Variants in PELP1 observed in about 807,000 individuals in gnomAD.
PELP1 encodes proline, glutamate and leucine rich protein 1.
A neutral mutation model predicts 95.5 loss-of-function variants in PELP1; 32 were observed. The observed-to-expected ratio is 0.34, with a 90% CI of 0.25 to 0.45. The LOEUF (loss-of-function observed/expected upper bound fraction) is 0.45. Ranked by LOEUF, PELP1 falls within the 20% of genes least tolerant of loss-of-function variation. The pLI is 1.00. For synonymous variants in PELP1, 668 were observed against 600.1 expected, an observed-to-expected ratio of 1.11 and a Z score of -1.65; for missense variants, 1,358 against 1,444.8, an observed-to-expected ratio of 0.94 and a Z score of 0.97.
rs2150552733 is a variant in PELP1 at position 4,672,981 on chromosome 17, G to A, written c.2010C>T (p.Pro670=). The change falls in exon 16 of 17, where the codon CCC becomes CCT. Residue 670 remains proline (P), a synonymous_variant. Transcript: ENST00000572293. ...FRAPPFHPPG[P]MPSVGSMPSA... is the part of the protein sequence containing the mutation. ...AGGGCATGGAGCCCACTGAGGGCAT[G>A]GGGCCCGGAGGATGGAACGGTGGGG... 6.4e-7 allele frequency: 1 copy of A among 1,572,224 alleles called. No individual in the cohort carries two copies. The highest frequency in any genetic ancestry group is 8.6e-7 in the Non-Finnish European group (1 of 1,159,626).
chr17:4,698,077 C>T (rs1913364851), intron 1 of PELP1, among the ~76,000 whole-genome samples: 1 of 148,982 alleles, frequency 6.7e-6, no homozygotes. Flanking sequence ...AACTCCTGCA[C>T]TCAGTGATCC....
Position 4,671,180 on chromosome 17 carries a change from C to T in PELP1, c.*259G>A. On this transcript the variant is annotated 3_prime_UTR_variant, in exon 17 of 17. Coordinates refer to ENST00000572293, the MANE Select transcript of PELP1 (RefSeq NM_014389.3). ...ACACACAATTCTGCACGTTTAGCATCCAGCCAGAATCCTACAATTCTGACA... is the reference window on the plus strand; with the variant it reads ...ACACACAATTCTGCACGTTTAGCATTCAGCCAGAATCCTACAATTCTGACA... 2 of 530,388 alleles carry T rather than the reference C, an allele frequency of 3.8e-6. No homozygotes were observed. Among genetic ancestry groups the T allele is most frequent in the Non-Finnish European group, 6.7e-6 (2 of 296,660 alleles). The allele number at this position is 530,388 out of a possible 1,614,324, so 32.9% of individuals were successfully genotyped here.
At chr17:4,695,926 G>A (rs558657865) in intron 1 of PELP1, among the ~76,000 whole-genome samples, 21 of 151,108 alleles carry the variant, frequency 1.4e-4, no homozygotes, top group African/African-American at 4.8e-4. Flanking sequence ...CTTGGCCTCC[G>A]AAAGTGCTGG....
chr17:4,692,295 G>A (rs959803656), intron 1 of PELP1, among the ~76,000 whole-genome samples: 3 of 151,780 alleles, frequency 2.0e-5, no homozygotes, highest in South Asian at 2.1e-4. Context: ...GTGAAACCCC[G>A]TCTCTACTAA....
chr17:4,699,022 T>A (rs1190596894), intron 1 of PELP1, among the ~76,000 whole-genome samples: 1 of 152,212 alleles, frequency 6.6e-6, no homozygotes, highest in Non-Finnish European at 1.5e-5. Context: ...TGCATTTATG[T>A]TATTCTCAGA....
At chr17:4,702,375 T>G (rs1043352485) in intron 1 of PELP1, among the ~76,000 whole-genome samples, 1 of 152,146 alleles carries the variant, frequency 6.6e-6, no homozygotes, top group Admixed American at 6.6e-5. Context: ...GCCAAGATCA[T>G]GCCACTGCAC....
chr17:4,673,784 G>A lies in PELP1; in HGVS notation c.1583-110C>T. On this transcript the variant is annotated intron_variant, in intron 13 of 16. Transcript: ENST00000572293. This position sits in a 1 kb window ranked among gnomAD's most constrained non-coding sequence, Gnocchi z 5.7. ...ATCAACTCTGCCACTGCCTATCTTG[G>A]CCAAGTCATTTAACTTCTCAACTAG... 2 of 878,400 alleles carry A rather than the reference G, an allele frequency of 2.3e-6. No homozygotes were observed. Among genetic ancestry groups the A allele is most frequent in the Admixed American group, 3.5e-5 (2 of 56,776 alleles). 54.4% of individuals were successfully genotyped at this position (878,400 alleles called of 1,614,324 possible).
At chr17:4,687,262 T>TCG (rs1455126501) in intron 3 of PELP1, among the ~76,000 whole-genome samples, 1 of 152,174 alleles carries the variant, frequency 6.6e-6, no homozygotes, top group Non-Finnish European at 1.5e-5. Context: ...TAAAGTATCT[T>TCG]CGCTGGGTGT....
chr17:4,691,583 G>C, intron 1 of PELP1, 141 bp from the exon 2 acceptor site: 1 of 663,482 alleles, frequency 1.5e-6, no homozygotes, highest in Non-Finnish European at 2.7e-6. Flanking sequence ...CATCCCACTA[G>C]AAGCCTTGAG....
rs1912400671 is a variant in PELP1, at chr17:4,675,033, A to C, written c.1274+46T>G. 6.2e-7 allele frequency: 1 copy of C among 1,605,220 alleles called. No homozygotes were observed. The highest frequency in any genetic ancestry group is 1.1e-5 in the South Asian group (1 of 90,820). ...AGCCCCAGCCCACCTGCACCCCCTCACCCCCCTCTCCTCTTTATTCCCTTC... is the reference window on the plus strand; with the variant it reads ...AGCCCCAGCCCACCTGCACCCCCTCCCCCCCCTCTCCTCTTTATTCCCTTC... On this transcript the variant is annotated intron_variant, in intron 11 of 16. Transcript: ENST00000572293. The surrounding 1 kb of genome is among the most constrained non-coding windows in gnomAD (Gnocchi z 4.3).
Position 4,690,972 on chromosome 17 carries a change from C to G in PELP1, c.336G>C (p.Leu112=). Residue 112 remains leucine, a synonymous_variant, in exon 3 of 17, where the codon CTG becomes CTC. Coordinates refer to ENST00000572293, the MANE Select transcript of PELP1 (RefSeq NM_014389.3). The part of the protein sequence containing the change: ...IKTRFEGLCL[L]SLLVGESPTE... The stretch of plus-strand genomic sequence containing the variant: ...TGGGGCTCTCCCCTACCAGCAGGGA[C>G]AGCAGACACAGGCCCTCAAACCTTC... The G allele has an allele frequency of 6.2e-7, 1 of 1,613,356 alleles. No individual in the cohort carries two copies. The highest frequency in any genetic ancestry group is 8.5e-7 in the Non-Finnish European group (1 of 1,179,306).
chr17:4,672,093 G>A lies in PELP1; in HGVS notation c.2898C>T (p.Gly966=). 1 of 1,554,822 alleles carries A rather than the reference G, an allele frequency of 6.4e-7. No homozygotes were observed. Among genetic ancestry groups the A allele is most frequent in the Non-Finnish European group, 8.7e-7 (1 of 1,148,712 alleles). ...ELEEVEDLEF[G]TAGGEVEEGA... is the part of the protein sequence containing the mutation. ...CTTCTTCTACCTCCCCTCCTGCTGTGCCAAACTCCAGGTCTTCCACCTCTT... is the reference window on the plus strand; with the variant it reads ...CTTCTTCTACCTCCCCTCCTGCTGTACCAAACTCCAGGTCTTCCACCTCTT... The change falls in exon 16 of 17, where the codon GGC becomes GGT. Residue 966 remains glycine, a synonymous_variant. Transcript: ENST00000572293.
intron 7 of PELP1, 67 bp from the exon 8 acceptor site, chr17:4,676,229 A>G (rs1226270048): frequency 8.1e-6 from 13 of 1,595,470 alleles, no homozygotes; most frequent in Non-Finnish European, 1.1e-5. Context: ...TTTCTGGTGG[A>G]CGACCTGCCT....
intron 1 of PELP1, among the ~76,000 whole-genome samples, chr17:4,697,147 G>A (rs771468868): frequency 1.4e-4 from 21 of 152,288 alleles, no homozygotes; most frequent in Middle Eastern, 6.8e-3. Flanking sequence ...CAAACCTTCA[G>A]AGGTCACAGA....
intron 1 of PELP1, among the ~76,000 whole-genome samples, chr17:4,702,506 A>T (rs1913580583): frequency 6.6e-6 from 1 of 152,184 alleles, no homozygotes; most frequent in Non-Finnish European, 1.5e-5. Context: ...AAACCACATA[A>T]ATTAGAAGAG....
intron 3 of PELP1, among the ~76,000 whole-genome samples, chr17:4,688,045 G>C (rs1013225890): frequency 6.6e-6 from 1 of 152,002 alleles, no homozygotes; most frequent in South Asian, 2.1e-4. Flanking sequence ...AGAAATAAAG[G>C]GCGTCTAGGC....
At chr17:4,683,579 G>A (rs922425636) in intron 3 of PELP1, among the ~76,000 whole-genome samples, 9 of 135,464 alleles carry the variant, frequency 6.6e-5, no homozygotes, top group African/African-American at 2.4e-4. Context: ...CCCCCAGGGT[G>A]GAATGCACTG....
intron 3 of PELP1, 53 bp downstream of exon 3, chr17:4,690,835 T>G: frequency 8.9e-7 from 1 of 1,118,060 alleles, no homozygotes; most frequent in Non-Finnish European, 1.4e-6. Flanking sequence ...ACATCCAAGA[T>G]GGGGAATAAG....
chr17:4,682,713 T>G, intron 4 of PELP1, 90 bp downstream of exon 4: 2 of 1,458,622 alleles, frequency 1.4e-6, no homozygotes, highest in Non-Finnish European at 1.9e-6. Flanking sequence ...TTCAATCCTA[T>G]TCCCCAGTCA....
Sources: allele counts gnomAD v4.1 joint callset (sites outside exome capture counted in the v4.1 genomes callset), GRCh38; gene constraint gnomAD v4.1.1; non-coding constraint Gnocchi (gnomAD v3.1); transcripts MANE v1.5; gene names NCBI Gene and HGNC (gene_info 2026-07-23, HGNC 2026-07-21).